Variants in PSD3 observed in about 807,000 individuals in gnomAD.
PSD3 encodes pleckstrin and Sec7 domain containing 3, also known as PH and SEC7 domain-containing protein 3.
A neutral mutation model predicts 105.5 loss-of-function variants in PSD3; 49 were observed. That is an observed-to-expected ratio of 0.46 (90% CI 0.37 to 0.59). The LOEUF (loss-of-function observed/expected upper bound fraction) is 0.59. PSD3 is among the 20% of genes least tolerant of loss of function. The probability of loss-of-function intolerance (pLI) is 0.00; values close to 1 mark genes in which losing one functional copy is unlikely to be tolerated. For synonymous variants in PSD3, 557 were observed against 457.8 expected (o/e 1.22, Z -2.77); for missense variants, 1,561 against 1,263.8 (o/e 1.24, Z -3.57).
chr8:18,752,529 ATTATATATTATATATAT>A (rs1805613766), intron 9 of PSD3, among the ~76,000 whole-genome samples: 1 of 48,366 alleles, frequency 2.1e-5, no homozygotes, highest in African/African-American at 1.2e-4. Flanking sequence ...AATATATATA[ATTATATATTATATATAT>A]TATATATAAT....
intron 9 of PSD3, among the ~76,000 whole-genome samples, chr8:18,719,501 T>C (rs1802814635): frequency 6.6e-6 from 1 of 152,214 alleles, no homozygotes; most frequent in African/African-American, 2.4e-5. Context: ...ACAATATTCA[T>C]ATTTGTATAA....
intron 4 of PSD3, among the ~76,000 whole-genome samples, chr8:18,825,406 G>A (rs1020138077): frequency 6.6e-6 from 1 of 152,172 alleles, no homozygotes; most frequent in Non-Finnish European, 1.5e-5. Context: ...AGGTTCTGGG[G>A]TGCAACCCGG....
intron 4 of PSD3, among the ~76,000 whole-genome samples, chr8:18,809,917 G>A (rs535915034): frequency 6.6e-6 from 1 of 152,044 alleles, no homozygotes; most frequent in East Asian, 1.9e-4. Context: ...CTTCTCTCTT[G>A]ACCTGCATGC....
At chr8:18,898,641 CA>C (rs1310773904) in intron 2 of PSD3, among the ~76,000 whole-genome samples, 2 of 152,020 alleles carry the variant, frequency 1.3e-5, no homozygotes, top group Non-Finnish European at 2.9e-5. Flanking sequence ...AGGGAATGGA[CA>C]CATATTTTGC....
chr8:18,673,003 T>C (rs1215776634), intron 9 of PSD3, among the ~76,000 whole-genome samples: 1 of 152,204 alleles, frequency 6.6e-6, no homozygotes, highest in Non-Finnish European at 1.5e-5. Context: ...AATATATGTA[T>C]ATCATTTATA....
chr8:18,774,160 C>T (rs541079173), intron 8 of PSD3, among the ~76,000 whole-genome samples: 1 of 141,220 alleles, frequency 7.1e-6, no homozygotes, highest in Non-Finnish European at 1.6e-5. Flanking sequence ...TTCTCCCATA[C>T]AGATTCCTTT....
intron 9 of PSD3, among the ~76,000 whole-genome samples, chr8:18,670,507 G>A (rs1214839462): frequency 6.6e-6 from 1 of 152,144 alleles, no homozygotes; most frequent in East Asian, 1.9e-4. Flanking sequence ...GAGGTAAGTT[G>A]ACTGGGATGA....
chr8:18,576,809 C>G (rs1234969708), intron 12 of PSD3, among the ~76,000 whole-genome samples: 1 of 151,904 alleles, frequency 6.6e-6, no homozygotes, highest in Non-Finnish European at 1.5e-5. Flanking sequence ...TATATGCCAC[C>G]TCCATTTCCA....
intron 1 of PSD3, among the ~76,000 whole-genome samples, chr8:19,035,896 A>G (rs544495702): frequency 1.3e-5 from 2 of 152,004 alleles, no homozygotes; most frequent in Admixed American, 1.3e-4. Context: ...CTGGGATTGC[A>G]GGTGCATACC....
intron 1 of PSD3, among the ~76,000 whole-genome samples, chr8:19,073,939 T>C (rs376033646): frequency 3.8e-4 from 58 of 152,024 alleles, no homozygotes; most frequent in South Asian, 3.5e-3. Flanking sequence ...TACAGGCGCC[T>C]GCCACCACGC....
intron 12 of PSD3, among the ~76,000 whole-genome samples, chr8:18,584,007 A>T (rs1426385348): frequency 6.6e-6 from 1 of 152,210 alleles, no homozygotes; most frequent in African/African-American, 2.4e-5. Context: ...CTGGATACTT[A>T]AGCCATATTT....
intron 1 of PSD3, among the ~76,000 whole-genome samples, chr8:18,974,468 G>A (rs745860230): frequency 1.8e-4 from 28 of 152,124 alleles, no homozygotes; most frequent in African/African-American, 4.3e-4. Flanking sequence ...AGAAAAAGAC[G>A]CAAGGAGAGC....
chr8:19,065,908 C>T (rs1586686124), intron 1 of PSD3, among the ~76,000 whole-genome samples: 2 of 152,308 alleles, frequency 1.3e-5, no homozygotes, highest in East Asian at 3.9e-4. Flanking sequence ...TTTCTGGTGA[C>T]CGCCTCCAAT....
At chr8:18,656,945 A>G (rs1808943181) in intron 9 of PSD3, among the ~76,000 whole-genome samples, 1 of 152,226 alleles carries the variant, frequency 6.6e-6, no homozygotes. Context: ...CTAAGGTACA[A>G]AACCACAAGA....
chr8:18,911,217 C>T (rs1358212343), intron 2 of PSD3, among the ~76,000 whole-genome samples: 2 of 152,184 alleles, frequency 1.3e-5, no homozygotes, highest in African/African-American at 4.8e-5. Context: ...CACAGGGAGA[C>T]ACAGACACAG....
intron 9 of PSD3, among the ~76,000 whole-genome samples, chr8:18,746,677 G>T (rs1197278018): frequency 6.6e-6 from 1 of 152,156 alleles, no homozygotes; most frequent in Non-Finnish European, 1.5e-5. Context: ...CAACCACACG[G>T]CATACAGTTA....
chr8:18,780,343 AAGTCAT>A (rs763769663), intron 8 of PSD3, among the ~76,000 whole-genome samples: 55 of 17,478 alleles, frequency 3.1e-3, no homozygotes, highest in Middle Eastern at 0.029. Context: ...GTATATAGTT[AAGTCAT>A]TTTTTTTTTG....
rs530723898 is a variant in PSD3 at position 18,820,974 on chromosome 8, T to G, written c.1635-16076A>C. Among the ~76,000 whole-genome samples the G allele has an allele frequency of 1.3e-4, 20 of 152,310 alleles. No individual in the cohort carries two copies. In the East Asian group the frequency reaches 3.3e-3, roughly 25 times the overall value. On this transcript the variant is annotated intron_variant, in intron 4 of 15. Transcript: ENST00000327040. Reference sequence around the variant, plus strand: ...GATGTTGCCCAAGCTAGTCTCGAACTCCTGGACTTAAGTAATTCTCCTACC... The same window carrying G: ...GATGTTGCCCAAGCTAGTCTCGAACGCCTGGACTTAAGTAATTCTCCTACC...
chr8:18,917,595 C>T (rs1272563777), intron 2 of PSD3, among the ~76,000 whole-genome samples: 1 of 152,158 alleles, frequency 6.6e-6, no homozygotes, highest in African/African-American at 2.4e-5. Flanking sequence ...CTATATGTTT[C>T]GCTTGAAGTC....
Sources: allele counts gnomAD v4.1 joint callset (sites outside exome capture counted in the v4.1 genomes callset), GRCh38; gene constraint gnomAD v4.1.1; transcripts MANE v1.5; gene names NCBI Gene and HGNC (gene_info 2026-07-23, HGNC 2026-07-21).